Variants in RBFOX1 observed in about 807,000 individuals in gnomAD.
RBFOX1 encodes RNA binding fox-1 homolog 1.
Under a neutral mutation model 57.7 loss-of-function variants are expected in RBFOX1, and 8 were observed. That is an observed-to-expected ratio of 0.14 (90% confidence interval 0.08 to 0.25). The LOEUF (loss-of-function observed/expected upper bound fraction) is 0.25, where lower values mean the gene tolerates loss of function less well. RBFOX1 is among the 10% of genes least tolerant of loss of function. The pLI is 1.00. For missense variants in RBFOX1, 611 were observed against 548.5 expected (o/e 1.11, Z -1.14); for synonymous variants, 326 against 222.4 (o/e 1.47, Z -4.15).
At chr16:7,563,830 G>A (rs1248030399) in intron 5 of RBFOX1, among the ~76,000 whole-genome samples, 2 of 152,114 alleles carry the variant, frequency 1.3e-5, no homozygotes, top group African/African-American at 4.8e-5. Context: ...AAGAAGAGGA[G>A]AAGAAAGAGT....
chr16:7,332,084 G>T (rs922999273), intron 4 of RBFOX1, among the ~76,000 whole-genome samples: 4 of 152,118 alleles, frequency 2.6e-5, no homozygotes, highest in Non-Finnish European at 4.4e-5. Flanking sequence ...CAAAATAAAA[G>T]GCATAGAAAA....
intron 3 of RBFOX1, among the ~76,000 whole-genome samples, chr16:6,924,521 C>G (rs946872779): frequency 6.6e-6 from 1 of 152,074 alleles, no homozygotes; most frequent in Non-Finnish European, 1.5e-5. Flanking sequence ...AGGCCCACCT[C>G]CAACATTGGG....
chr16:5,987,184 GT>G (rs2060301268), intron 4 of RBFOX1, among the ~76,000 whole-genome samples: 1 of 151,994 alleles, frequency 6.6e-6, no homozygotes, highest in African/African-American at 2.4e-5. Context: ...TTATTGAATT[GT>G]TTGTTCACAT....
At chr16:6,603,003 A>G (rs2097873821) in intron 2 of RBFOX1, among the ~76,000 whole-genome samples, 1 of 152,216 alleles carries the variant, frequency 6.6e-6, no homozygotes, top group African/African-American at 2.4e-5. Flanking sequence ...ACCCAAGGAA[A>G]AAGAAGTTTC....
chr16:7,540,897 A>G (rs757788762), intron 5 of RBFOX1, among the ~76,000 whole-genome samples: 11 of 152,334 alleles, frequency 7.2e-5, no homozygotes, highest in Non-Finnish European at 1.3e-4. Flanking sequence ...GGCTGGATTC[A>G]TCCCAACACC....
intron 8 of RBFOX1, among the ~76,000 whole-genome samples, chr16:7,596,018 C>A (rs2094670701): frequency 6.6e-6 from 1 of 150,650 alleles, no homozygotes; most frequent in African/African-American, 2.4e-5. Flanking sequence ...CTTTCCACTT[C>A]AGGGTTGAAG....
chr16:5,396,816 A>G (rs2066572158), intron 1 of RBFOX1, among the ~76,000 whole-genome samples: 1 of 152,256 alleles, frequency 6.6e-6, no homozygotes, highest in African/African-American at 2.4e-5. Flanking sequence ...AAACTCCAGC[A>G]GAGAGAGTAG....
At position 7,189,554 on chromosome 16, in the gene RBFOX1, A is replaced by AACACAC. The variant is rs779531861; in HGVS notation, c.27+137484_27+137489dup. Among the ~76,000 whole-genome samples the AACACAC allele has an allele frequency of 3.6e-3, 494 of 135,862 alleles. 2 individuals carry two copies. Among genetic ancestry groups the AACACAC allele is most frequent in the African/African-American group, 8.9e-3 (304 of 34,048 alleles). 89.1% of individuals were successfully genotyped at this position (135,862 alleles called of 152,430 possible). On this transcript the variant is annotated intron_variant, in intron 4 of 15. Coordinates refer to ENST00000550418, the MANE Select transcript of RBFOX1 (RefSeq NM_018723.4). The stretch of plus-strand genomic sequence containing the variant: ...CACTCCAAAACACTATGTCCCCCAA[A>AACACAC]ACACACACACACACACACACACACA...
chr16:5,517,531 G>T (rs550465393), intron 2 of RBFOX1, among the ~76,000 whole-genome samples: 19 of 152,142 alleles, frequency 1.2e-4, no homozygotes, highest in Non-Finnish European at 1.9e-4. Context: ...GACCAGATTT[G>T]CACAATTGTC....
At chr16:7,268,252 G>GT (rs2095224607) in intron 4 of RBFOX1, among the ~76,000 whole-genome samples, 1 of 152,220 alleles carries the variant, frequency 6.6e-6, no homozygotes, top group Non-Finnish European at 1.5e-5. Flanking sequence ...TGGTTAAGCT[G>GT]TGTAGGACTG....
intron 3 of RBFOX1, among the ~76,000 whole-genome samples, chr16:5,859,900 C>G (rs973786535): frequency 6.6e-5 from 10 of 152,150 alleles, no homozygotes; most frequent in Non-Finnish European, 1.5e-4. Context: ...ACTCAGGTTT[C>G]TTGGTGAAAT....
At chr16:6,861,138 C>A (rs1178783381) in intron 3 of RBFOX1, among the ~76,000 whole-genome samples, 1 of 152,036 alleles carries the variant, frequency 6.6e-6, no homozygotes, top group South Asian at 2.1e-4. Flanking sequence ...TTTGCTCCAG[C>A]ATCTTCCGTA....
intron 3 of RBFOX1, among the ~76,000 whole-genome samples, chr16:6,978,495 A>G (rs2087733444): frequency 6.6e-6 from 1 of 152,192 alleles, no homozygotes; most frequent in South Asian, 2.1e-4. Flanking sequence ...TTGTATTATT[A>G]TCTCCATTTT....
At chr16:5,975,675 C>G (rs2060047995) in intron 4 of RBFOX1, among the ~76,000 whole-genome samples, 1 of 152,124 alleles carries the variant, frequency 6.6e-6, no homozygotes, top group Non-Finnish European at 1.5e-5. Context: ...TGCTCTTGCC[C>G]ATGTTGGAGG....
intron 4 of RBFOX1, among the ~76,000 whole-genome samples, chr16:5,984,974 A>ATTT (rs1473069198): frequency 3.7e-4 from 21 of 56,244 alleles, no homozygotes; most frequent in Middle Eastern, 0.019. Flanking sequence ...ATATATATAT[A>ATTT]TATTTTTTTT....
chr16:6,072,028 C>G (rs1325598017), intron 1 of RBFOX1, among the ~76,000 whole-genome samples: 1 of 152,154 alleles, frequency 6.6e-6, no homozygotes, highest in Non-Finnish European at 1.5e-5. Flanking sequence ...GACTGGGTAA[C>G]TTACAAAGGA....
intron 4 of RBFOX1, among the ~76,000 whole-genome samples, chr16:7,208,061 A>G (rs868282904): frequency 6.6e-5 from 10 of 152,220 alleles, no homozygotes; most frequent in Non-Finnish European, 1.2e-4. Context: ...TTTAGGCAAC[A>G]TCAATCCTGC....
intron 4 of RBFOX1, among the ~76,000 whole-genome samples, chr16:7,137,750 A>G (rs2072446550): frequency 6.6e-6 from 1 of 152,166 alleles, no homozygotes; most frequent in Non-Finnish European, 1.5e-5. Context: ...TCGAACACAT[A>G]ACATTATGCA....
intron 2 of RBFOX1, among the ~76,000 whole-genome samples, chr16:5,523,276 A>C (rs576340653): frequency 2.0e-5 from 3 of 151,408 alleles, no homozygotes; most frequent in Admixed American, 6.6e-5. Context: ...ATAGAGCAAG[A>C]CTCTGTTTCA....
Sources: allele counts gnomAD v4.1 joint callset (sites outside exome capture counted in the v4.1 genomes callset), GRCh38; gene constraint gnomAD v4.1.1; transcripts MANE v1.5; gene names NCBI Gene and HGNC (gene_info 2026-07-23, HGNC 2026-07-21).